The following NRG3 variants were observed in gnomAD, a reference collection of about 807,000 sequenced individuals.
The protein encoded by NRG3 is pro-neuregulin-3, membrane-bound isoform.
Under a neutral mutation model 66.9 loss-of-function variants are expected in NRG3, and 31 were observed. That is an observed-to-expected ratio of 0.46 (90% CI 0.35 to 0.63). The LOEUF is 0.63. Among genes scored for constraint, NRG3 ranks in the 20% least tolerant of loss-of-function variants. NRG3 has a pLI of 0.00. For synonymous variants in NRG3, 393 were observed against 359.4 expected (o/e 1.09, Z -1.06); for missense variants, 910 against 878.9 (o/e 1.04, Z -0.45).
At chr10:82,767,464 C>T (rs1049428591) in intron 3 of NRG3, among the ~76,000 whole-genome samples, 25 of 152,128 alleles carry the variant, frequency 1.6e-4, no homozygotes, top group Non-Finnish European at 2.4e-4. Context: ...TTTTTCTTCA[C>T]GGGTTCTTTT....
chr10:82,484,448 T>C (rs772324048), intron 2 of NRG3, among the ~76,000 whole-genome samples: 23 of 152,360 alleles, frequency 1.5e-4, no homozygotes, highest in Non-Finnish European at 2.9e-4. Flanking sequence ...TTTAGTACTG[T>C]GCCTGGCACA....
chr10:82,501,251 C>G (rs1844154969), intron 2 of NRG3, among the ~76,000 whole-genome samples: 1 of 152,134 alleles, frequency 6.6e-6, no homozygotes, highest in South Asian at 2.1e-4. Flanking sequence ...GGAGATAGAG[C>G]TGCCATCTAT....
At chr10:82,865,314 G>A (rs537560589) in intron 3 of NRG3, 97 bp from the exon 4 acceptor site, 61 of 1,242,708 alleles carry the variant, frequency 4.9e-5, no homozygotes, top group African/African-American at 4.0e-4. Context: ...TTGCCTTGGA[G>A]GGTTAGTCTT....
chr10:82,169,566 G>A (rs562299383), intron 1 of NRG3, among the ~76,000 whole-genome samples: 1 of 151,128 alleles, frequency 6.6e-6, no homozygotes, highest in South Asian at 2.1e-4. Flanking sequence ...TCTGTAAAAT[G>A]AATTTTGCTT....
intron 2 of NRG3, among the ~76,000 whole-genome samples, chr10:82,388,376 A>G (rs1403120741): frequency 6.6e-6 from 1 of 152,226 alleles, no homozygotes; most frequent in African/African-American, 2.4e-5. Flanking sequence ...TATATGAATG[A>G]TATCTCTAAA....
intron 2 of NRG3, among the ~76,000 whole-genome samples, chr10:82,672,935 G>C (rs747456158): frequency 6.6e-6 from 1 of 152,182 alleles, no homozygotes; most frequent in African/African-American, 2.4e-5. Flanking sequence ...GTTTTCAGTA[G>C]AGATGGGGTT....
At chr10:82,087,964 C>T (rs537828181) in intron 1 of NRG3, among the ~76,000 whole-genome samples, 23 of 152,170 alleles carry the variant, frequency 1.5e-4, no homozygotes, top group Admixed American at 3.9e-4. Context: ...TCACATTTCC[C>T]GGCTGGATCC....
chr10:82,491,159 A>G (rs1843058495), intron 2 of NRG3, among the ~76,000 whole-genome samples: 1 of 151,610 alleles, frequency 6.6e-6, no homozygotes, highest in African/African-American at 2.4e-5. Flanking sequence ...ATCAGCTTTA[A>G]TAACTACCTC....
At chr10:82,737,190 C>T (rs1298212713) in intron 2 of NRG3, among the ~76,000 whole-genome samples, 1 of 152,054 alleles carries the variant, frequency 6.6e-6, no homozygotes, top group Non-Finnish European at 1.5e-5. Context: ...TGTTGGATAT[C>T]TGGAATATCC....
At chr10:81,895,886 T>C (rs1179828716) in intron 1 of NRG3, among the ~76,000 whole-genome samples, 1 of 152,160 alleles carries the variant, frequency 6.6e-6, no homozygotes, top group Non-Finnish European at 1.5e-5. Context: ...GATTAATAAC[T>C]GACACATTGG....
chr10:82,533,819 A>G (rs1412778212), intron 2 of NRG3, among the ~76,000 whole-genome samples: 1 of 152,182 alleles, frequency 6.6e-6, no homozygotes, highest in African/African-American at 2.4e-5. Context: ...TGCAGACAAC[A>G]TGATCTTATA....
chr10:82,217,635 T>G (rs1443018155), intron 1 of NRG3, among the ~76,000 whole-genome samples: 1 of 152,200 alleles, frequency 6.6e-6, no homozygotes, highest in African/African-American at 2.4e-5. Flanking sequence ...TCATGTAAAG[T>G]TATTTCTGCA....
intron 1 of NRG3, among the ~76,000 whole-genome samples, chr10:82,335,043 CA>C (rs2082319307): frequency 6.6e-6 from 1 of 152,168 alleles, no homozygotes; most frequent in South Asian, 2.1e-4. Flanking sequence ...GCCTTTACTT[CA>C]ACTGAATTTC....
intron 3 of NRG3, among the ~76,000 whole-genome samples, chr10:82,779,922 C>T (rs2060053661): frequency 7.6e-6 from 1 of 131,576 alleles, no homozygotes; most frequent in Non-Finnish European, 1.6e-5. Context: ...CTCCCTGTGT[C>T]CAAGTGTTCT....
intron 1 of NRG3, among the ~76,000 whole-genome samples, chr10:82,304,909 A>C (rs2080625845): frequency 6.6e-6 from 1 of 151,990 alleles, no homozygotes; most frequent in Non-Finnish European, 1.5e-5. Context: ...GCTATCTTAA[A>C]ATATTGACTA....
At chr10:82,856,637 G>A (rs1335997071) in intron 3 of NRG3, among the ~76,000 whole-genome samples, 1 of 151,500 alleles carries the variant, frequency 6.6e-6, no homozygotes, top group Admixed American at 6.6e-5. Context: ...CCAGCTACTT[G>A]GGGGGCTGAG....
At chr10:82,204,637 T>C (rs2075026407) in intron 1 of NRG3, among the ~76,000 whole-genome samples, 1 of 152,204 alleles carries the variant, frequency 6.6e-6, no homozygotes, top group Non-Finnish European at 1.5e-5. Flanking sequence ...AGTAGTAATA[T>C]CTCTCCACCA....
chr10:82,814,461 T>A, intron 3 of NRG3, among the ~76,000 whole-genome samples: 1 of 152,178 alleles, frequency 6.6e-6, no homozygotes, highest in East Asian at 1.9e-4. Context: ...ATGGGGCTTC[T>A]CCCCGAAGAC....
At chr10:82,034,978 A>C (rs1046871621) in intron 1 of NRG3, among the ~76,000 whole-genome samples, 23 of 152,002 alleles carry the variant, frequency 1.5e-4, no homozygotes, top group Admixed American at 6.6e-5. Flanking sequence ...AAACCCAAGA[A>C]ATTTTCTCTA....
Sources: gnomAD v4.1 joint callset for allele counts (sites outside exome capture counted in the v4.1 genomes callset) on GRCh38, gnomAD v4.1.1 for gene constraint, MANE v1.5 for transcripts, NCBI Gene and HGNC (gene_info 2026-07-23, HGNC 2026-07-21) for gene names.